SCN4B: variants seen among roughly 807,000 people sequenced by gnomAD.
SCN4B encodes sodium channel regulatory subunit beta-4.
A neutral mutation model predicts 19.6 loss-of-function variants in SCN4B; 20 were observed. That is an observed-to-expected ratio of 1.02 (90% confidence interval 0.72 to 1.48). The LOEUF (loss-of-function observed/expected upper bound fraction) is 1.48. Ranked by LOEUF, SCN4B falls within the 40% of genes most tolerant of loss-of-function variation. SCN4B has a pLI of 0.00. For missense variants in SCN4B, 271 were observed against 287.5 expected (o/e 0.94, Z 0.42); for synonymous variants, 127 against 122.8 (o/e 1.03, Z -0.22).
At position 118,135,719 on chromosome 11, in the gene SCN4B, C is replaced by T; in HGVS notation, c.*1308G>A. 6.6e-6 allele frequency: 3 copies of T among 454,508 alleles called. No individual in the cohort carries two copies. Among genetic ancestry groups the T allele is most frequent in the South Asian group, 1.6e-5 (1 of 64,480 alleles). 28.2% of individuals were successfully genotyped at this position (454,508 alleles called of 1,614,324 possible). On this transcript the variant is annotated 3_prime_UTR_variant, in exon 5 of 5. Transcript: ENST00000324727. Reference sequence around the variant, plus strand: ...GAACCCTCACCAGCACCACACCAGACTCTGCTGTTATGTCAGGACATACCG... The same window carrying T: ...GAACCCTCACCAGCACCACACCAGATTCTGCTGTTATGTCAGGACATACCG...
Position 118,135,294 on chromosome 11 carries a change from A to C in SCN4B, c.*1733T>G, listed in dbSNP as rs998673498. On this transcript the variant is annotated 3_prime_UTR_variant, in exon 5 of 5. Coordinates refer to ENST00000324727, the MANE Select transcript of SCN4B (RefSeq NM_174934.4). ...CAGCCACGGGCACCCTGCAGGTACT[A>C]CTGGTCCTCAGTCTCCCCCCACTCC... The C allele has an allele frequency of 1.5e-5, 7 of 453,914 alleles. No individual in the cohort carries two copies. Among genetic ancestry groups the C allele is most frequent in the African/African-American group, 1.4e-4 (7 of 49,960 alleles). 28.1% of individuals were successfully genotyped at this position (453,914 alleles called of 1,614,324 possible).
At chr11:118,143,296 G>A (rs1948123333) in intron 3 of SCN4B, among the ~76,000 whole-genome samples, 1 of 152,228 alleles carries the variant, frequency 6.6e-6, no homozygotes. Flanking sequence ...CAGAGGACAA[G>A]GGCCATGTCT....
intron 2 of SCN4B, among the ~76,000 whole-genome samples, chr11:118,144,800 C>T (rs1306324799): frequency 6.6e-6 from 1 of 152,124 alleles, no homozygotes; most frequent in African/African-American, 2.4e-5. Flanking sequence ...ATCCAAGCTC[C>T]GGGTGTTTCT....
Position 118,141,300 on chromosome 11 carries a change from A to T in SCN4B, c.500T>A (p.Leu167Gln). ...CCCGATGACCCCGCCCACGACAGCC[A>T]GGATGATGAGTGTCACTGTGTTGTC... is the stretch of plus-strand genomic sequence containing the variant. ...EVDNTVTLII[L>Q]AVVGGVIGLL... Residue 167 changes from leucine to glutamine, a missense_variant, in exon 4 of 5, where the codon CTG (leucine) becomes CAG (glutamine). By Grantham distance (113) the Leu-to-Gln change is moderately radical. Transcript: ENST00000324727. 1 of 1,612,540 alleles carries T rather than the reference A, an allele frequency of 6.2e-7. No individual in the cohort carries two copies. Among genetic ancestry groups the T allele is most frequent in the Non-Finnish European group, 8.5e-7 (1 of 1,180,006 alleles).
Position 118,152,727 on chromosome 11 carries a change from A to G in SCN4B, c.-54T>C. 1 of 1,424,764 alleles carries G rather than the reference A, an allele frequency of 7.0e-7. No homozygotes were observed. Among genetic ancestry groups the G allele is most frequent in the South Asian group, 1.3e-5 (1 of 78,190 alleles). The allele number at this position is 1,424,764 out of a possible 1,614,324, so 88.3% of individuals were successfully genotyped here. On this transcript the variant is annotated 5_prime_UTR_variant, in exon 1 of 5. Transcript: ENST00000324727. ...GTCGCGGGGATGGGATACTGGGCAC[A>G]GCCGCGCTCTCCGCCCGAGGTCGGC... is the stretch of plus-strand genomic sequence containing the variant.
At chr11:118,150,412 G>A (rs541736866) in intron 1 of SCN4B, among the ~76,000 whole-genome samples, 19 of 152,140 alleles carry the variant, frequency 1.2e-4, no homozygotes, top group Non-Finnish European at 2.2e-4. Context: ...CCCAGTCTCC[G>A]AAGCTGTGAA....
In SCN4B at chr11:118,141,320, G is replaced by A. The variant is rs72546675; in HGVS notation, c.480C>T (p.Asn160=). ...CAGCCAGGATGATGAGTGTCACTGTGTTGTCCACTTCTTCCACTGTGTGGC... is the reference window on the plus strand; with the variant it reads ...CAGCCAGGATGATGAGTGTCACTGTATTGTCCACTTCTTCCACTGTGTGGC... The part of the protein sequence containing the change: ...QVVDRLEEVD[N]TVTLIILAVV... The change falls in exon 4 of 5, where the codon AAC becomes AAT. Residue 160 remains asparagine (N), a synonymous_variant. Transcript: ENST00000324727. The A allele has an allele frequency of 1.4e-4, 222 of 1,612,416 alleles. No homozygotes were observed. In the African/African-American group the frequency reaches 2.5e-3, roughly 18 times the overall value.
At chr11:118,143,179 C>T (rs1439109588) in intron 3 of SCN4B, among the ~76,000 whole-genome samples, 1 of 152,196 alleles carries the variant, frequency 6.6e-6, no homozygotes, top group Non-Finnish European at 1.5e-5. Flanking sequence ...CCTTCTCTAA[C>T]CACACCAGGT....
chr11:118,136,242 C>T lies in SCN4B; in HGVS notation c.*785G>A, dbSNP rs1814964. 0.6 allele frequency: 271,598 copies of T among 453,250 alleles called. 81,993 individuals are homozygous for T. Among genetic ancestry groups the T allele is most frequent in the South Asian group, 0.69 (44,580 of 64,434 alleles). The allele number at this position is 453,250 out of a possible 1,614,324, so 28.1% of individuals were successfully genotyped here. ...GCTCACTACCTCTGTGGCCCAATTC[C>T]CCAAGTAGAAATGCTTGGAAAGGCA... On this transcript the variant is annotated 3_prime_UTR_variant, in exon 5 of 5. Coordinates refer to ENST00000324727, the MANE Select transcript of SCN4B (RefSeq NM_174934.4).
intron 3 of SCN4B, among the ~76,000 whole-genome samples, chr11:118,142,144 A>C (rs145778370): frequency 6.6e-6 from 1 of 151,990 alleles, no homozygotes; most frequent in Non-Finnish European, 1.5e-5. Context: ...TCCTCCCTCT[A>C]TCATCTATTC....
In SCN4B at chr11:118,134,497, G is replaced by T. The variant is rs1221313897; in HGVS notation, c.*2530C>A. ...GGGACAGGATGATTCTTTGTTGTGG[G>T]GACTAAGTTTAGCATTCTTAGTAGT... On this transcript the variant is annotated 3_prime_UTR_variant, in exon 5 of 5. Transcript: ENST00000324727. 2 of 454,044 alleles carry T rather than the reference G, an allele frequency of 4.4e-6. No individual in the cohort carries two copies. Among genetic ancestry groups the T allele is most frequent in the East Asian group, 1.4e-4 (2 of 14,392 alleles). 28.1% of individuals were successfully genotyped at this position (454,044 alleles called of 1,614,324 possible).
chr11:118,151,479 A>G (rs553369196), intron 1 of SCN4B, among the ~76,000 whole-genome samples: 29 of 152,352 alleles, frequency 1.9e-4, no homozygotes, highest in African/African-American at 7.0e-4. Context: ...AAGGTACAGG[A>G]GAAAACAAGG....
At chr11:118,141,105 TG>T (rs1948090771) in intron 4 of SCN4B, 101 bp downstream of exon 4, 8 of 1,276,756 alleles carry the variant, frequency 6.3e-6, no homozygotes, top group Non-Finnish European at 6.7e-6. Context: ...GGAATGGGAA[TG>T]GGGGGAAGGA....
intron 1 of SCN4B, among the ~76,000 whole-genome samples, chr11:118,150,122 G>A (rs900207112): frequency 3.3e-5 from 5 of 152,166 alleles, no homozygotes; most frequent in Non-Finnish European, 7.3e-5. Flanking sequence ...GTGCAATAGA[G>A]CACCCTCACA....
In SCN4B at chr11:118,152,706, CG is replaced by C; in HGVS notation, c.-34del. On this transcript the variant is annotated 5_prime_UTR_variant, in exon 1 of 5. Transcript: ENST00000324727. Reference sequence around the variant, plus strand: ...TTCTCTCCGGAGCGCGCGGGGGTCGCGGGGATGGGATACTGGGCACAGCCGC... The same window carrying C: ...TTCTCTCCGGAGCGCGCGGGGGTCGCGGGATGGGATACTGGGCACAGCCGC... 1 of 1,560,856 alleles carries C rather than the reference CG, an allele frequency of 6.4e-7. No homozygotes were observed. The highest frequency in any genetic ancestry group is 1.1e-5 in the South Asian group (1 of 87,550).
At chr11:118,138,511 T>G (rs1948053604) in intron 4 of SCN4B, among the ~76,000 whole-genome samples, 1 of 152,174 alleles carries the variant, frequency 6.6e-6, no homozygotes, top group South Asian at 2.1e-4. Context: ...TCTCTTTCTT[T>G]CTTTCTGTCT....
intron 4 of SCN4B, among the ~76,000 whole-genome samples, chr11:118,139,927 G>A (rs1300066299): frequency 8.8e-5 from 12 of 136,664 alleles, no homozygotes; most frequent in Non-Finnish European, 1.7e-4. Context: ...TTTAAGAGAC[G>A]AGCTCTTGCT....
chr11:118,144,921 T>C (rs1948149449), intron 2 of SCN4B, 136 bp downstream of exon 2: 1 of 851,176 alleles, frequency 1.2e-6, no homozygotes, highest in African/African-American at 1.7e-5. Flanking sequence ...CTGAAAAGAA[T>C]ACTGGGAGAA....
In SCN4B at chr11:118,135,441, A is replaced by G. The variant is rs1426597096; in HGVS notation, c.*1586T>C. ...TAGGGGCCCAGAAGACAGGGCATCA[A>G]AAAATCAGTAAGGGAGAGAGGGATT... is the stretch of plus-strand genomic sequence containing the variant. On this transcript the variant is annotated 3_prime_UTR_variant, in exon 5 of 5. Transcript: ENST00000324727. The G allele has an allele frequency of 2.2e-6, 1 of 453,998 alleles. No individual in the cohort carries two copies. The highest frequency in any genetic ancestry group is 2.0e-5 in the African/African-American group (1 of 49,998). 28.1% of individuals were successfully genotyped at this position (453,998 alleles called of 1,614,324 possible).
Sources: gnomAD v4.1 joint callset for allele counts (sites outside exome capture counted in the v4.1 genomes callset) on GRCh38, gnomAD v4.1.1 for gene constraint, MANE v1.5 for transcripts, NCBI Gene and HGNC (gene_info 2026-07-23, HGNC 2026-07-21) for gene names.